The following SLC41A3 variants were observed in gnomAD, a reference collection of about 807,000 sequenced individuals.
SLC41A3 encodes the protein solute carrier family 41 member 3.
A neutral mutation model predicts 45.4 loss-of-function variants in SLC41A3; 44 were observed. That is an observed-to-expected ratio of 0.97 (90% CI 0.76 to 1.25). The LOEUF is 1.25. Ranked by LOEUF, SLC41A3 falls within the 50% of genes most tolerant of loss-of-function variation. The pLI is 0.00. For synonymous variants in SLC41A3, 256 were observed against 252.4 expected, an observed-to-expected ratio of 1.01 and a Z score of -0.13; for missense variants, 550 against 600.6, an observed-to-expected ratio of 0.92 and a Z score of 0.88.
At chr3:126,015,387 C>T in intron 8 of SLC41A3, 107 bp downstream of exon 8, 7 of 1,107,198 alleles carry the variant, frequency 6.3e-6, no homozygotes, top group Non-Finnish European at 9.4e-6. Flanking sequence ...TGCCCAACTG[C>T]CTGTGCGGGG....
chr3:126,030,457 T>C lies in SLC41A3; in HGVS notation c.453+3150A>G, dbSNP rs543634141. On this transcript the variant is annotated intron_variant, in intron 4 of 10. Coordinates refer to ENST00000360370, the MANE Select transcript of SLC41A3 (RefSeq NM_017836.4). ...CAACTTCTCTAGTAGTTAGGAAAAT[T>C]CTAAATAAAATCTCCATTTGAAGGT... is the stretch of plus-strand genomic sequence containing the variant. Among the ~76,000 whole-genome samples, 86 of 152,170 alleles carry C rather than the reference T, an allele frequency of 5.7e-4. 1 individual carries two copies. The highest frequency in any genetic ancestry group is 1.9e-3 in the African/African-American group (78 of 41,534).
chr3:126,024,802 G>A (rs2107717936), intron 5 of SLC41A3: 1 of 152,416 alleles, frequency 6.6e-6, no homozygotes, highest in South Asian at 2.1e-4. Flanking sequence ...AGAGCTGGAG[G>A]AGAGTCCATT....
intron 1 of SLC41A3, among the ~76,000 whole-genome samples, chr3:126,071,963 T>C (rs537947094): frequency 6.6e-6 from 1 of 151,896 alleles, no homozygotes; most frequent in African/African-American, 2.4e-5. Context: ...TTTGTAGAGA[T>C]GGGATATCAC....
intron 3 of SLC41A3, among the ~76,000 whole-genome samples, chr3:126,050,304 C>A (rs534795718): frequency 3.3e-5 from 5 of 152,296 alleles, no homozygotes; most frequent in Admixed American, 1.3e-4. Flanking sequence ...CCTCCTCTTG[C>A]CACAGTCTTT....
At chr3:126,062,872 C>T (rs1944143969) in intron 2 of SLC41A3, among the ~76,000 whole-genome samples, 1 of 152,208 alleles carries the variant, frequency 6.6e-6, no homozygotes, top group African/African-American at 2.4e-5. Flanking sequence ...CTAGGATCTG[C>T]CCAAGTTAAT....
At position 126,015,502 on chromosome 3, in the gene SLC41A3, A is replaced by G. The variant is rs753588282; in HGVS notation, c.962T>C (p.Val321Ala). The G allele has an allele frequency of 4.3e-6, 7 of 1,614,082 alleles. No homozygotes were observed. Among genetic ancestry groups the G allele is most frequent in the Non-Finnish European group, 5.9e-6 (7 of 1,180,032 alleles). Residue 321 changes from valine (V) to alanine (A), a missense_variant, in exon 8 of 11, where the codon GTC (valine) becomes GCC (alanine). Coordinates refer to ENST00000360370, the MANE Select transcript of SLC41A3 (RefSeq NM_017836.4). ...ACCCTTCAAATACGTACCACATATG[A>G]CGGGGGTAAATATCGCCATGCCTTT... ...QYKGMAIFTP[V>A]ICGVGGNLVA...
chr3:126,068,374 G>C, intron 1 of SLC41A3, 128 bp from the exon 2 acceptor site: 1 of 746,458 alleles, frequency 1.3e-6, no homozygotes, highest in Non-Finnish European at 1.9e-6. Flanking sequence ...CCCTTACTCA[G>C]CACCTGCTCC....
intron 3 of SLC41A3, 63 bp from the exon 4 acceptor site, chr3:126,033,741 C>T (rs967973680): frequency 2.0e-6 from 3 of 1,521,470 alleles, no homozygotes; most frequent in Admixed American, 1.9e-5. Context: ...TCAACCCTTC[C>T]TGGGAAAGGC....
At chr3:126,082,510 C>G (rs1172299453) in intron 1 of SLC41A3, among the ~76,000 whole-genome samples, 13 of 152,214 alleles carry the variant, frequency 8.5e-5, no homozygotes, top group Admixed American at 8.5e-4. Context: ...AGGGGCTAGG[C>G]TGGGCAGGAC....
chr3:126,076,272 C>T (rs979311605), intron 1 of SLC41A3, among the ~76,000 whole-genome samples: 4 of 152,168 alleles, frequency 2.6e-5, no homozygotes, highest in African/African-American at 9.7e-5. Flanking sequence ...CAAATCAAAA[C>T]CACAGTAAGA....
chr3:126,033,478 A>C, intron 4 of SLC41A3, 129 bp downstream of exon 4: 1 of 930,532 alleles, frequency 1.1e-6, no homozygotes, highest in Non-Finnish European at 1.7e-6. Context: ...TGGGAGGGAC[A>C]GGTAGCTACC....
intron 3 of SLC41A3, among the ~76,000 whole-genome samples, chr3:126,040,939 T>A (rs1389847936): frequency 6.6e-6 from 1 of 152,008 alleles, no homozygotes; most frequent in Non-Finnish European, 1.5e-5. Context: ...GGAAACAGAA[T>A]CAAAGTATGA....
intron 1 of SLC41A3, among the ~76,000 whole-genome samples, chr3:126,099,021 C>G (rs1005715893): frequency 6.6e-6 from 1 of 151,004 alleles, no homozygotes; most frequent in Non-Finnish European, 1.5e-5. Flanking sequence ...CCCGCCTCAG[C>G]CTCCCAAAGT....
At chr3:126,086,408 G>GGTTTTTTTTGTTTTTTTTTTTTTTTTT (rs776330275), upstream of SLC41A3, among the ~76,000 whole-genome samples, 4 of 21,184 alleles carry the variant, frequency 1.9e-4, 1 homozygote, top group African/African-American at 2.7e-4. Context: ...TTGTTTTCTT[G>GGTTTTTTTTGTTTTTTTTTTTTTTTTT]TTTTTTTTTT....
At chr3:126,016,952 T>A in intron 6 of SLC41A3, 77 bp from the exon 7 acceptor site, 3 of 1,570,454 alleles carry the variant, frequency 1.9e-6, no homozygotes, top group Non-Finnish European at 2.6e-6. Flanking sequence ...GTTTCACAAA[T>A]GAGAGGTGGG....
At chr3:126,066,961 G>T (rs187857373) in intron 2 of SLC41A3, among the ~76,000 whole-genome samples, 4 of 152,014 alleles carry the variant, frequency 2.6e-5, no homozygotes. Context: ...TATGAATTTC[G>T]CCGGCGTATG....
intron 9 of SLC41A3, among the ~76,000 whole-genome samples, chr3:126,009,539 A>G (rs1313022056): frequency 1.3e-5 from 2 of 152,194 alleles, no homozygotes; most frequent in African/African-American, 4.8e-5. Flanking sequence ...TTAAAATTCT[A>G]ACATGAATAT....
At chr3:126,093,420 G>A (rs193029761) in intron 1 of SLC41A3, among the ~76,000 whole-genome samples, 2 of 152,304 alleles carry the variant, frequency 1.3e-5, no homozygotes, top group East Asian at 3.9e-4. Context: ...TCCAGCTCAG[G>A]CCATTCCCTC....
chr3:126,046,822 C>G (rs1464449446), intron 3 of SLC41A3, among the ~76,000 whole-genome samples: 3 of 151,772 alleles, frequency 2.0e-5, no homozygotes, highest in African/African-American at 7.3e-5. Context: ...ATTAGCCAGG[C>G]ATGGTGGCAG....
Sources: gnomAD v4.1 joint callset for allele counts (sites outside exome capture counted in the v4.1 genomes callset) on GRCh38, gnomAD v4.1.1 for gene constraint, MANE v1.5 for transcripts, NCBI Gene and HGNC (gene_info 2026-07-23, HGNC 2026-07-21) for gene names.